The following PLA2G4D variants were observed in gnomAD, a reference collection of about 807,000 sequenced individuals.
PLA2G4D encodes phospholipase A2 group IVD, also known as cytosolic phospholipase A2 delta.
A neutral mutation model predicts 94.4 loss-of-function variants in PLA2G4D; 80 were observed. That is an observed-to-expected ratio of 0.85 (90% confidence interval 0.71 to 1.02). The LOEUF (loss-of-function observed/expected upper bound fraction) is 1.02. PLA2G4D is among the 50% of genes least tolerant of loss of function. The pLI, the probability that PLA2G4D is intolerant of heterozygous loss-of-function variation, is 0.00. For missense variants in PLA2G4D, 1,050 were observed against 1,034.7 expected, an observed-to-expected ratio of 1.01 and a Z score of -0.20; for synonymous variants, 438 against 440.9, an observed-to-expected ratio of 0.99 and a Z score of 0.08.
At chr15:42,072,464 G>A (rs1391765809) in intron 13 of PLA2G4D, 72 bp from the exon 14 acceptor site, 12 of 1,203,540 alleles carry the variant, frequency 1.0e-5, no homozygotes, top group African/African-American at 1.5e-5. Context: ...GCCAGGACAG[G>A]GGCAGGATGG....
At chr15:42,088,442 C>T (rs1421075963) in intron 1 of PLA2G4D, among the ~76,000 whole-genome samples, 6 of 152,130 alleles carry the variant, frequency 3.9e-5, no homozygotes, top group South Asian at 2.1e-4. Context: ...GCCAGAGGGG[C>T]GTGGCTGAGG....
rs1296950760 is a variant in PLA2G4D at position 42,083,731 on chromosome 15, T to G, written c.520A>C (p.Thr174Pro). The G allele has an allele frequency of 6.2e-7, 1 of 1,613,902 alleles. No individual in the cohort carries two copies. Among genetic ancestry groups the G allele is most frequent in the Admixed American group, 1.7e-5 (1 of 60,000 alleles). The change falls in exon 7 of 20, where the codon ACC becomes CCC. Residue 174 changes from threonine to proline, a missense_variant. Coordinates refer to ENST00000290472, the MANE Select transcript of PLA2G4D (RefSeq NM_178034.4). ...LDVHLDSTGS[T>P]AVVADQDKLE... ...CTGGTCTCACCTGCAACCACAGCGGTGCTCCCTGTGCTGTCCAGATGCACA... is the reference window on the plus strand; with the variant it reads ...CTGGTCTCACCTGCAACCACAGCGGGGCTCCCTGTGCTGTCCAGATGCACA...
chr15:42,085,179 T>C (rs771772700), intron 5 of PLA2G4D, 41 bp from the exon 6 acceptor site: 1 of 1,613,066 alleles, frequency 6.2e-7, no homozygotes, highest in Non-Finnish European at 8.5e-7. Context: ...GCTTCCTGCA[T>C]TGACCTCCCG....
intron 2 of PLA2G4D, 23 bp from the exon 3 acceptor site, chr15:42,087,459 C>T (rs775581127): frequency 6.8e-6 from 11 of 1,613,822 alleles, no homozygotes; most frequent in South Asian, 4.4e-5. Context: ...AGGAAGTCTT[C>T]GTGAGGGAGT....
At chr15:42,091,036 C>T (rs1174840424) in intron 1 of PLA2G4D, among the ~76,000 whole-genome samples, 1 of 152,126 alleles carries the variant, frequency 6.6e-6, no homozygotes, top group East Asian at 1.9e-4. Flanking sequence ...GCCTGTCATT[C>T]GACACATTCC....
In PLA2G4D at chr15:42,068,929, C is replaced by T. The variant is rs779335531; in HGVS notation, c.2243G>A (p.Ser748Asn). The T allele has an allele frequency of 1.2e-6, 2 of 1,610,400 alleles. No homozygotes were observed. The highest frequency in any genetic ancestry group is 4.5e-5 in the East Asian group (2 of 44,812). The change falls in exon 20 of 20, where the codon AGC (serine) becomes AAC (asparagine). Residue 748 changes from serine (S) to asparagine (N), a missense_variant. By Grantham distance (46) the Ser-to-Asn change is conservative. Transcript: ENST00000290472. ...TTGGCCACCCTGGAGCTCTGCGGGG[C>T]TGCGCTGGACACCTGCCCAGGGGTA... Reference protein sequence around the residue: ...KDHSAPGVQRSPAELQGGQVD... With the variant: ...KDHSAPGVQRNPAELQGGQVD...
At chr15:42,090,658 C>T (rs1315118515) in intron 1 of PLA2G4D, among the ~76,000 whole-genome samples, 1 of 152,160 alleles carries the variant, frequency 6.6e-6, no homozygotes, top group Non-Finnish European at 1.5e-5. Context: ...CCTGTGAATG[C>T]CGGCTGGAGG....
At chr15:42,093,023 G>A (rs1176092729) in intron 1 of PLA2G4D, among the ~76,000 whole-genome samples, 1 of 152,196 alleles carries the variant, frequency 6.6e-6, no homozygotes, top group African/African-American at 2.4e-5. Context: ...ACCTCCCTCA[G>A]GCTGGGCTGA....
intron 18 of PLA2G4D, 138 bp from the exon 19 acceptor site, chr15:42,070,233 G>A: frequency 1.2e-6 from 1 of 855,874 alleles, no homozygotes; most frequent in Non-Finnish European, 1.7e-6. Context: ...AAGCTGCAGA[G>A]TGACTCGGAG....
intron 9 of PLA2G4D, 43 bp from the exon 10 acceptor site, chr15:42,081,877 C>T: frequency 1.9e-6 from 3 of 1,612,490 alleles, no homozygotes; most frequent in Non-Finnish European, 2.5e-6. Flanking sequence ...CTCCTAGACC[C>T]TAAGCGGCAC....
chr15:42,071,955 T>C, intron 14 of PLA2G4D, 44 bp from the exon 15 acceptor site: 2 of 1,601,042 alleles, frequency 1.2e-6, no homozygotes, highest in Non-Finnish European at 1.7e-6. Context: ...GGGGAGTGGA[T>C]TGCGGGAGTC....
intron 13 of PLA2G4D, among the ~76,000 whole-genome samples, chr15:42,076,221 A>G (rs989935294): frequency 7.2e-5 from 11 of 152,212 alleles, no homozygotes; most frequent in African/African-American, 2.7e-4. Flanking sequence ...AAAAAATTCA[A>G]TAGATGAGAC....
chr15:42,075,987 C>G (rs1231393535), intron 13 of PLA2G4D, among the ~76,000 whole-genome samples: 1 of 151,968 alleles, frequency 6.6e-6, no homozygotes, highest in Non-Finnish European at 1.5e-5. Context: ...GGGTCAAGTA[C>G]AGCCAAGAGA....
At chr15:42,071,406 C>G (rs747530266) in intron 16 of PLA2G4D, 38 bp downstream of exon 16, 1 of 1,583,408 alleles carries the variant, frequency 6.3e-7, no homozygotes, top group Non-Finnish European at 8.6e-7. Flanking sequence ...AAAGGAACAG[C>G]GTCATCCCAG....
rs771189883 is a variant in PLA2G4D at position 42,068,792 on chromosome 15, C to T, written c.2380G>A (p.Gly794Ser). The T allele has an allele frequency of 1.2e-6, 2 of 1,613,488 alleles. No individual in the cohort carries two copies. The highest frequency in any genetic ancestry group is 2.2e-5 in the South Asian group (2 of 90,898). ...LSDYNVQTSQ[G>S]AILQALRTAL... is the part of the protein sequence containing the mutation. The stretch of plus-strand genomic sequence containing the variant: ...GTCCTCAGGGCCTGCAGGATGGCAC[C>T]CTGGCTGGTCTGCACGTTGTAGTCA... The change falls in exon 20 of 20, where the codon GGT becomes AGT. Residue 794 changes from glycine (G) to serine (S), a missense_variant. Gly to Ser is a moderately conservative substitution (Grantham distance 56). Coordinates refer to ENST00000290472, the MANE Select transcript of PLA2G4D (RefSeq NM_178034.4).
chr15:42,071,116 C>A lies in PLA2G4D; in HGVS notation c.1876+7G>T. 1 of 1,608,350 alleles carries A rather than the reference C, an allele frequency of 6.2e-7. No individual in the cohort carries two copies. On this transcript the variant is annotated splice_region_variant and intron_variant, in intron 17 of 19. Transcript: ENST00000290472. ...GTGACCTAGGGACCCCTGGCCACGG[C>A]CCTGACCTGCCCAGGTGGAGAAGTC...
rs1052032334 is a variant in PLA2G4D at position 42,068,633 on chromosome 15, C to G, written c.*82G>C. 5.8e-6 allele frequency: 8 copies of G among 1,372,498 alleles called. No homozygotes were observed. The Admixed American group carries it at 1.8e-4, about 31-fold the overall frequency. 85.0% of individuals were successfully genotyped at this position (1,372,498 alleles called of 1,614,324 possible). ...GGCCTGGGAGAGCCCAGAACTCCAA[C>G]CAGGAAGGCCTGTGGCTGAGCCCAG... On this transcript the variant is annotated 3_prime_UTR_variant, in exon 20 of 20. Coordinates refer to ENST00000290472, the MANE Select transcript of PLA2G4D (RefSeq NM_178034.4).
chr15:42,080,707 G>C (rs1255293399), intron 12 of PLA2G4D, among the ~76,000 whole-genome samples: 1 of 152,170 alleles, frequency 6.6e-6, no homozygotes, highest in African/African-American at 2.4e-5. Context: ...AAGTTGCTCA[G>C]TGTCAGCCAG....
intron 19 of PLA2G4D, 84 bp from the exon 20 acceptor site, chr15:42,069,025 G>T: frequency 8.1e-7 from 1 of 1,230,864 alleles, no homozygotes; most frequent in Non-Finnish European, 1.1e-6. Flanking sequence ...GGCTGCCCCC[G>T]CTGGAGGGGC....
Sources: gnomAD v4.1 joint callset for allele counts (sites outside exome capture counted in the v4.1 genomes callset) on GRCh38, gnomAD v4.1.1 for gene constraint, MANE v1.5 for transcripts, NCBI Gene and HGNC (gene_info 2026-07-23, HGNC 2026-07-21) for gene names.